The following CNTN3 variants were observed in gnomAD, a reference collection of about 807,000 sequenced individuals.
The protein encoded by CNTN3 is contactin 3.
CNTN3 carries 60 observed loss-of-function variants against 119.1 expected under a neutral mutation model. The observed-to-expected ratio is 0.50, with a 90% CI of 0.41 to 0.62. The LOEUF is 0.62. Ranked by LOEUF, CNTN3 falls within the 20% of genes least tolerant of loss-of-function variation. CNTN3 has a pLI of 0.00. For missense variants in CNTN3, 1,101 were observed against 1,242.4 expected, an observed-to-expected ratio of 0.89 and a Z score of 1.71; for synonymous variants, 450 against 438.7, an observed-to-expected ratio of 1.03 and a Z score of -0.32.
intron 1 of CNTN3, among the ~76,000 whole-genome samples, chr3:74,578,192 C>T (rs1704448485): frequency 6.6e-6 from 1 of 151,888 alleles, no homozygotes; most frequent in African/African-American, 2.4e-5. Flanking sequence ...TAAATAACCC[C>T]TCAACCAGAC....
intron 19 of CNTN3, among the ~76,000 whole-genome samples, chr3:74,285,790 GATATAT>G (rs71129738): frequency 0.042 from 2,366 of 56,362 alleles, 39 homozygotes; most frequent in Non-Finnish European, 0.057. Context: ...ATGAAGGGGA[GATATAT>G]ATATATATAT....
At chr3:74,590,426 T>A (rs114537866) in intron 1 of CNTN3, among the ~76,000 whole-genome samples, 2,767 of 152,048 alleles carry the variant, frequency 0.018, 79 homozygotes, top group African/African-American at 0.064. Context: ...AAGCACAGAT[T>A]AGCATTTGAG....
At position 74,525,512 on chromosome 3, in the gene CNTN3, T is replaced by C. The variant is rs1703607005; in HGVS notation, c.-80-4320A>G. On this transcript the variant is annotated intron_variant, in intron 1 of 22. Transcript: ENST00000263665. ...CACTTCTGAAATCACAAAGCTAAAA[T>C]AAATACAAAGGAAGCTACTGAAGCA... is the stretch of plus-strand genomic sequence containing the variant. 4.6e-5 allele frequency among the ~76,000 whole-genome samples: 7 copies of C among 151,780 alleles called. No individual in the cohort carries two copies. The South Asian group carries it at 1.2e-3, about 27-fold the overall frequency.
At chr3:74,568,831 C>T (rs1190235651) in intron 1 of CNTN3, among the ~76,000 whole-genome samples, 1 of 152,174 alleles carries the variant, frequency 6.6e-6, no homozygotes, top group Admixed American at 6.5e-5. Flanking sequence ...CTTGGGGGCT[C>T]TCTCGAAGGC....
At position 74,369,304 on chromosome 3, in the gene CNTN3, C is replaced by T. The variant is rs1397192058; in HGVS notation, c.831G>A (p.Lys277=). 1.9e-6 allele frequency: 3 copies of T among 1,611,052 alleles called. No homozygotes were observed. The highest frequency in any genetic ancestry group is 1.7e-4 in the Middle Eastern group (1 of 6,048). ...TGGGGATTTCAAGCACACCACTGAA[C>T]TTCCTTAATTTAATTTTGCTGGAAA... ...LPFSSKIKLR[K]FSGVLEIPNF... The change falls in exon 8 of 23, where the codon AAG becomes AAA. Residue 277 remains lysine, a synonymous_variant. Transcript: ENST00000263665.
intron 13 of CNTN3, among the ~76,000 whole-genome samples, chr3:74,319,067 T>C (rs1702912432): frequency 6.6e-6 from 1 of 152,096 alleles, no homozygotes; most frequent in Non-Finnish European, 1.5e-5. Flanking sequence ...GAAGAATCAA[T>C]ATCGTTTAAA....
At chr3:74,406,365 G>A (rs1705323592) in intron 5 of CNTN3, among the ~76,000 whole-genome samples, 1 of 151,862 alleles carries the variant, frequency 6.6e-6, no homozygotes, top group East Asian at 1.9e-4. Flanking sequence ...CAATTATGGG[G>A]AAAATGTGTA....
Position 74,573,318 on chromosome 3 carries a change from C to G in CNTN3, c.-81+41073G>C, listed in dbSNP as rs532805784. Among the ~76,000 whole-genome samples the G allele has an allele frequency of 4.6e-5, 7 of 151,982 alleles. No individual in the cohort carries two copies. In the South Asian group the frequency reaches 1.0e-3, roughly 23 times the overall value. ...TTTTTTTTTAGCCTGTCCCATCCCC[C>G]ACTCCCATCCCATGCCAATCTCAAA... On this transcript the variant is annotated intron_variant, in intron 1 of 22. Coordinates refer to ENST00000263665, the MANE Select transcript of CNTN3 (RefSeq NM_020872.3).
chr3:74,515,122 C>T (rs552583372), intron 2 of CNTN3, among the ~76,000 whole-genome samples: 1 of 151,930 alleles, frequency 6.6e-6, no homozygotes, highest in South Asian at 2.1e-4. Flanking sequence ...AGGAAGGGAC[C>T]CTCAAGGGAT....
In CNTN3 at chr3:74,384,012, CCT is replaced by C. The variant is rs1341403881; in HGVS notation, c.455-12615_455-12614del. On this transcript the variant is annotated intron_variant, in intron 5 of 22. Transcript: ENST00000263665. ...AAGCTTTCAAAGCTCATGCCATAGT[CCT>C]CAATTGGTAGAAAGGGCATTGGCCT... 3.5e-4 allele frequency among the ~76,000 whole-genome samples: 54 copies of C among 152,294 alleles called. 1 individual carries two copies. The highest frequency in any genetic ancestry group is 1.3e-3 in the African/African-American group (53 of 41,570).
At chr3:74,355,955 T>C (rs1038170668) in intron 11 of CNTN3, among the ~76,000 whole-genome samples, 4 of 152,018 alleles carry the variant, frequency 2.6e-5, no homozygotes, top group African/African-American at 7.3e-5. Flanking sequence ...GGAGGCCCAT[T>C]GAACAATCAG....
chr3:74,337,936 AAAT>A (rs1703435415), intron 11 of CNTN3, among the ~76,000 whole-genome samples: 2 of 152,114 alleles, frequency 1.3e-5, no homozygotes, highest in Non-Finnish European at 2.9e-5. Flanking sequence ...TACGAAAAAA[AAAT>A]GAGATGGGAT....
chr3:74,542,104 C>T (rs1000832549), intron 1 of CNTN3, among the ~76,000 whole-genome samples: 4 of 152,038 alleles, frequency 2.6e-5, no homozygotes, highest in Admixed American at 1.3e-4. Flanking sequence ...CATGGTGGTG[C>T]CCACCTACAG....
intron 5 of CNTN3, among the ~76,000 whole-genome samples, chr3:74,398,635 A>G (rs1469172290): frequency 2.0e-5 from 3 of 152,184 alleles, no homozygotes; most frequent in Admixed American, 1.3e-4. Context: ...TTTTGTCTAA[A>G]TTTTAAAAAT....
chr3:74,468,157 C>G (rs1464785476), intron 4 of CNTN3, among the ~76,000 whole-genome samples: 1 of 152,140 alleles, frequency 6.6e-6, no homozygotes, highest in Non-Finnish European at 1.5e-5. Flanking sequence ...TGAAAGGAAT[C>G]AGAATCAGCT....
intron 4 of CNTN3, among the ~76,000 whole-genome samples, chr3:74,428,315 G>T (rs1336320339): frequency 6.6e-6 from 1 of 151,910 alleles, no homozygotes; most frequent in South Asian, 2.1e-4. Flanking sequence ...GGTCCTTCAG[G>T]AGTTTTTCAG....
At chr3:74,613,571 A>G (rs533818904) in intron 1 of CNTN3, among the ~76,000 whole-genome samples, 5 of 152,310 alleles carry the variant, frequency 3.3e-5, no homozygotes, top group Admixed American at 6.5e-5. Context: ...TTGTAAATCA[A>G]TAAGCAAATG....
At chr3:74,435,869 C>A (rs1248333281) in intron 4 of CNTN3, among the ~76,000 whole-genome samples, 1 of 152,092 alleles carries the variant, frequency 6.6e-6, no homozygotes, top group African/African-American at 2.4e-5. Context: ...TCCATCCAAC[C>A]CTCACGCTGG....
At chr3:74,270,145 C>G (rs893391966) in intron 20 of CNTN3, among the ~76,000 whole-genome samples, 2 of 152,150 alleles carry the variant, frequency 1.3e-5, no homozygotes, top group Non-Finnish European at 2.9e-5. Context: ...CTGCCTAGCT[C>G]TCACTGATGT....
Sources: gnomAD v4.1 joint callset for allele counts (sites outside exome capture counted in the v4.1 genomes callset) on GRCh38, gnomAD v4.1.1 for gene constraint, MANE v1.5 for transcripts, NCBI Gene and HGNC (gene_info 2026-07-23, HGNC 2026-07-21) for gene names.